The following ASTN2 variants were observed in gnomAD, a reference collection of about 807,000 sequenced individuals.
ASTN2 encodes astrotactin-2.
In ASTN2, 54 loss-of-function variants were observed where a neutral mutation model predicts 139.8. The observed-to-expected ratio is 0.39, with a 90% confidence interval of 0.31 to 0.48. The LOEUF is 0.48. Among genes scored for constraint, ASTN2 ranks in the 20% least tolerant of loss-of-function variants. The pLI is 0.95. For synonymous variants in ASTN2, 756 were observed against 719.5 expected (o/e 1.05, Z -0.81); for missense variants, 1,565 against 1,725.1 (o/e 0.91, Z 1.64).
At chr9:116,463,688 C>A (rs190224682) in intron 20 of ASTN2, among the ~76,000 whole-genome samples, 239 of 152,270 alleles carry the variant, frequency 1.6e-3, no homozygotes, top group Middle Eastern at 3.4e-3. Context: ...AGCTCCCTCT[C>A]CTGTGCTTTT....
At chr9:116,731,207 A>G (rs146401578) in intron 14 of ASTN2, among the ~76,000 whole-genome samples, 51 of 148,156 alleles carry the variant, frequency 3.4e-4, no homozygotes, top group African/African-American at 1.1e-3. Flanking sequence ...TAATAATAAT[A>G]ATAATAATAA....
At chr9:116,946,948 A>AC (rs72183263) in intron 10 of ASTN2, among the ~76,000 whole-genome samples, 1 of 151,662 alleles carries the variant, frequency 6.6e-6, no homozygotes, top group African/African-American at 2.4e-5. Flanking sequence ...AAAAAAAAAA[A>AC]AAACAACCCA....
intron 16 of ASTN2, among the ~76,000 whole-genome samples, chr9:116,719,531 C>A (rs1451063746): frequency 6.6e-6 from 1 of 152,082 alleles, no homozygotes; most frequent in African/African-American, 2.4e-5. Flanking sequence ...GTGCTTCTCA[C>A]TAGAACACTA....
intron 19 of ASTN2, among the ~76,000 whole-genome samples, chr9:116,559,869 G>A (rs1852817574): frequency 6.6e-6 from 1 of 152,118 alleles, no homozygotes. Flanking sequence ...CTATTAATAT[G>A]AGCCAGGAGC....
Position 116,448,803 on chromosome 9 carries a change from C to A in ASTN2, c.3498-6250G>T, listed in dbSNP as rs529467820. On this transcript the variant is annotated intron_variant, in intron 20 of 22. Transcript: ENST00000313400. ...AACAAAATCAAGTACTATATCTTTT[C>A]CCTTGTACTATTCATGATGCCCAGA... Among the ~76,000 whole-genome samples the A allele has an allele frequency of 3.9e-5, 6 of 152,268 alleles. No individual in the cohort carries two copies. In the East Asian group the frequency reaches 1.2e-3, roughly 29 times the overall value.
chr9:116,501,586 T>C (rs1316015012), intron 19 of ASTN2, among the ~76,000 whole-genome samples: 1 of 151,874 alleles, frequency 6.6e-6, no homozygotes, highest in East Asian at 1.9e-4. Context: ...CCACCAACAG[T>C]GTAAAAGTGT....
chr9:117,095,181 C>A (rs11791192), intron 5 of ASTN2, among the ~76,000 whole-genome samples: 21,465 of 152,162 alleles, frequency 0.14, 1,644 homozygotes, highest in East Asian at 0.19. Context: ...TTATCACTGG[C>A]ATGGAATCCA....
At chr9:117,274,849 T>G (rs1027563174) in intron 2 of ASTN2, among the ~76,000 whole-genome samples, 1 of 152,184 alleles carries the variant, frequency 6.6e-6, no homozygotes, top group Non-Finnish European at 1.5e-5. Flanking sequence ...AGGAACTCAC[T>G]CTTATAACCC....
intron 3 of ASTN2, among the ~76,000 whole-genome samples, chr9:117,146,506 A>T (rs1366248422): frequency 6.6e-6 from 1 of 151,616 alleles, no homozygotes; most frequent in Non-Finnish European, 1.5e-5. Context: ...AATAAAAGAG[A>T]TAACTGTGCT....
At chr9:116,835,000 G>T (rs1202693791) in intron 11 of ASTN2, among the ~76,000 whole-genome samples, 2 of 152,082 alleles carry the variant, frequency 1.3e-5, no homozygotes, top group Non-Finnish European at 2.9e-5. Context: ...AGTGAGCTGT[G>T]GTTGTGCTAC....
At chr9:116,428,842 T>C (rs1847397066) in intron 22 of ASTN2, among the ~76,000 whole-genome samples, 1 of 152,200 alleles carries the variant, frequency 6.6e-6, no homozygotes, top group Non-Finnish European at 1.5e-5. Flanking sequence ...GTATCTACCA[T>C]AAAGTGTTAT....
At chr9:117,374,371 A>T (rs1229220301) in intron 1 of ASTN2, among the ~76,000 whole-genome samples, 2 of 19,954 alleles carry the variant, frequency 1.0e-4, no homozygotes, top group Admixed American at 2.5e-3. Flanking sequence ...GGCAGGGTTA[A>T]AAAAAAAAAA....
rs1564120574 is a variant in ASTN2, at chr9:116,565,420, TATA to T, written c.3355+52901_3355+52903del. On this transcript the variant is annotated intron_variant, in intron 19 of 22. Transcript: ENST00000313400. ...ATATATATATATATATATATATATA[TATA>T]TATATATTTATTTATTTATTTTGAG... Among the ~76,000 whole-genome samples the T allele has an allele frequency of 2.1e-4, 26 of 124,404 alleles. 1 individual carries two copies. Among genetic ancestry groups the T allele is most frequent in the East Asian group, 6.6e-4 (3 of 4,540 alleles). The allele number at this position is 124,404 out of a possible 152,430, so 81.6% of individuals were successfully genotyped here. A position where few individuals can be genotyped will look rare whatever the true frequency, so the allele number is the denominator to read the frequency against.
In ASTN2 at chr9:116,616,708, A is replaced by C. The variant is rs140069789; in HGVS notation, c.3355+1616T>G. ...TAAAGTGTAAACCCACTGTTGGAGG[A>C]CTTTCATTTCCCTTGGTTATCTGTG... is the stretch of plus-strand genomic sequence containing the variant. On this transcript the variant is annotated intron_variant, in intron 19 of 22. Transcript: ENST00000313400. Among the ~76,000 whole-genome samples, 63 of 152,086 alleles carry C rather than the reference A, an allele frequency of 4.1e-4. No individual in the cohort carries two copies. In the East Asian group the frequency reaches 6.0e-3, roughly 14 times the overall value.
intron 3 of ASTN2, among the ~76,000 whole-genome samples, chr9:117,177,960 A>T (rs1461926151): frequency 6.6e-6 from 1 of 151,544 alleles, no homozygotes; most frequent in African/African-American, 2.4e-5. Flanking sequence ...TTTACCATCA[A>T]CTCCAAGGCC....
chr9:117,026,139 A>T (rs1178155586), intron 6 of ASTN2, among the ~76,000 whole-genome samples: 1 of 151,872 alleles, frequency 6.6e-6, no homozygotes, highest in Non-Finnish European at 1.5e-5. Context: ...TATGTAGCCA[A>T]GAAGTAGGCA....
Position 116,625,886 on chromosome 9 carries a change from C to T in ASTN2, c.3073-5443G>A, listed in dbSNP as rs570448569. Reference sequence around the variant, plus strand: ...GATTTTGTCCCTCTCTCCTCTCATTCAATTTTTACAAATTTCACATTTCCT... The same window carrying T: ...GATTTTGTCCCTCTCTCCTCTCATTTAATTTTTACAAATTTCACATTTCCT... On this transcript the variant is annotated intron_variant, in intron 17 of 22. Transcript: ENST00000313400. Among the ~76,000 whole-genome samples the T allele has an allele frequency of 5.3e-5, 8 of 152,300 alleles. No individual in the cohort carries two copies. In the East Asian group the frequency reaches 1.5e-3, roughly 29 times the overall value.
rs1295543823 is a variant in ASTN2 at position 116,425,480 on chromosome 9, T to C, written c.*371A>G. On this transcript the variant is annotated 3_prime_UTR_variant, in exon 23 of 23. Coordinates refer to ENST00000313400, the MANE Select transcript of ASTN2 (RefSeq NM_001365068.1). ...TCCATAGGTCTCCTCCAGGGGTCCA[T>C]GGCAGGAAGAAAGCAGAGTGTGGCA... The C allele has an allele frequency of 3.7e-6, 5 of 1,350,812 alleles. No individual in the cohort carries two copies. Among genetic ancestry groups the C allele is most frequent in the East Asian group, 2.3e-5 (1 of 43,462 alleles). The allele number at this position is 1,350,812 out of a possible 1,614,324, so 83.7% of individuals were successfully genotyped here.
chr9:116,610,230 C>A (rs1855465581), intron 19 of ASTN2, among the ~76,000 whole-genome samples: 1 of 152,112 alleles, frequency 6.6e-6, no homozygotes, highest in South Asian at 2.1e-4. Context: ...GTTAATAATG[C>A]CAGCTTGGAT....
Sources: gnomAD v4.1 joint callset for allele counts (sites outside exome capture counted in the v4.1 genomes callset) on GRCh38, gnomAD v4.1.1 for gene constraint, MANE v1.5 for transcripts, NCBI Gene and HGNC (gene_info 2026-07-23, HGNC 2026-07-21) for gene names.